MYO5B: variants seen among roughly 807,000 people sequenced by gnomAD.
The protein encoded by MYO5B is unconventional myosin-Vb.
A neutral mutation model predicts 229.3 loss-of-function variants in MYO5B; 143 were observed. The observed-to-expected ratio is 0.62, with a 90% CI of 0.54 to 0.72. MYO5B has a LOEUF of 0.72. Among genes scored for constraint, MYO5B ranks in the 30% least tolerant of loss-of-function variants. The pLI is 0.00. For missense variants in MYO5B, 2,321 were observed against 2,331.0 expected, an observed-to-expected ratio of 1.00 and a Z score of 0.09; for synonymous variants, 918 against 885.2, an observed-to-expected ratio of 1.04 and a Z score of -0.66.
intron 5 of MYO5B, among the ~76,000 whole-genome samples, chr18:49,996,433 C>T (rs1467749839): frequency 1.3e-5 from 2 of 152,046 alleles, no homozygotes. Context: ...GTAGGGAAAA[C>T]ATAAATAAAA....
At chr18:50,079,308 G>C (rs1390228472) in intron 1 of MYO5B, among the ~76,000 whole-genome samples, 1 of 152,188 alleles carries the variant, frequency 6.6e-6, no homozygotes, top group Non-Finnish European at 1.5e-5. Context: ...GTCTCCCCCA[G>C]AATCTTTCAT....
chr18:49,976,030 C>A (rs188083104), intron 9 of MYO5B, among the ~76,000 whole-genome samples: 24 of 152,198 alleles, frequency 1.6e-4, no homozygotes, highest in African/African-American at 5.8e-4. Context: ...ACCTGCTCAT[C>A]GTTGTTATTC....
rs753731801 is a variant in MYO5B at position 49,849,637 on chromosome 18, C to A, written c.4245G>T (p.Lys1415Asn). 2.7e-5 allele frequency: 43 copies of A among 1,613,796 alleles called. No homozygotes were observed. The highest frequency in any genetic ancestry group is 1.9e-5 in the Non-Finnish European group (23 of 1,179,886). ...ENLDLKELVEKLEKNERKLKK... is the reference protein window; with the variant it reads ...ENLDLKELVENLEKNERKLKK... ...TGAGCTTCCTCTCATTCTTTTCCAG[C>A]TTTTCTACCAGTTCTTTAAGGTCCT... The change falls in exon 32 of 40, where the codon AAG becomes AAT. Residue 1415 changes from lysine to asparagine, a missense_variant. Physicochemically the swap from Lys to Asn is moderately conservative, Grantham distance 94. Transcript: ENST00000285039.
intron 12 of MYO5B, among the ~76,000 whole-genome samples, chr18:49,955,760 C>T (rs2025485912): frequency 6.6e-6 from 1 of 152,190 alleles, no homozygotes; most frequent in African/African-American, 2.4e-5. Flanking sequence ...ATATTTAATT[C>T]AGCACTTTCC....
intron 17 of MYO5B, among the ~76,000 whole-genome samples, chr18:49,922,906 G>T (rs1008545351): frequency 2.6e-5 from 4 of 152,174 alleles, no homozygotes; most frequent in African/African-American, 9.7e-5. Context: ...TCTTGACTCT[G>T]CTGGCAGCTC....
Position 49,954,368 on chromosome 18 carries a change from A to G in MYO5B, c.1613T>C (p.Phe538Ser). Residue 538 changes from phenylalanine to serine, a missense_variant, in exon 13 of 40, where the codon TTC becomes TCC. Coordinates refer to ENST00000285039, the MANE Select transcript of MYO5B (RefSeq NM_001080467.3). ...CGTGTTGGACATGCGGGGCTTCTGG[A>G]AGTGCTGGCTGCTGGAGTGCCGGTC... ...LYDRHSSSQH[F>S]QKPRMSNTAF... 7 of 1,614,002 alleles carry G rather than the reference A, an allele frequency of 4.3e-6. No individual in the cohort carries two copies. Among genetic ancestry groups the G allele is most frequent in the Non-Finnish European group, 5.9e-6 (7 of 1,179,956 alleles).
intron 1 of MYO5B, among the ~76,000 whole-genome samples, chr18:50,104,442 AT>A (rs1479716283): frequency 1.3e-5 from 2 of 152,088 alleles, no homozygotes; most frequent in Admixed American, 6.6e-5. Context: ...TCATTAATTT[AT>A]TCAATGAGGA....
intron 1 of MYO5B, among the ~76,000 whole-genome samples, chr18:50,117,145 C>A (rs780995367): frequency 2.0e-5 from 3 of 152,036 alleles, no homozygotes; most frequent in Non-Finnish European, 4.4e-5. Flanking sequence ...CGATTATGTT[C>A]TTTGGTCCCA....
intron 9 of MYO5B, among the ~76,000 whole-genome samples, chr18:49,975,082 G>A (rs2025735578): frequency 1.3e-5 from 2 of 152,134 alleles, no homozygotes; most frequent in Non-Finnish European, 2.9e-5. Context: ...AATGCAGTTT[G>A]CATCTGCTGA....
intron 4 of MYO5B, among the ~76,000 whole-genome samples, chr18:50,027,163 A>G (rs112972818): frequency 4.6e-5 from 7 of 152,330 alleles, no homozygotes; most frequent in South Asian, 2.1e-4. Context: ...TAGGCTTCAC[A>G]TTCTATTAGC....
At chr18:50,135,012 T>C (rs890569138) in intron 1 of MYO5B, among the ~76,000 whole-genome samples, 5 of 152,220 alleles carry the variant, frequency 3.3e-5, no homozygotes, top group African/African-American at 4.8e-5. Flanking sequence ...CTCTGCCTGA[T>C]TGTAATAAGT....
intron 3 of MYO5B, among the ~76,000 whole-genome samples, chr18:50,039,783 T>C (rs4939615): frequency 0.98 from 148,899 of 152,262 alleles, 72,900 homozygotes; most frequent in East Asian, 1. Flanking sequence ...GCTTTTCAAG[T>C]AGAAAATAAA....
intron 8 of MYO5B, among the ~76,000 whole-genome samples, chr18:49,982,655 C>T (rs1037985807): frequency 1.3e-5 from 2 of 152,160 alleles, no homozygotes; most frequent in Non-Finnish European, 2.9e-5. Context: ...TAAGTTCTAT[C>T]GGAACACAGT....
chr18:49,846,249 T>G (rs902967085), intron 33 of MYO5B, among the ~76,000 whole-genome samples: 2 of 152,188 alleles, frequency 1.3e-5, no homozygotes, highest in Non-Finnish European at 2.9e-5. Flanking sequence ...TTAATGAGCC[T>G]GTGAATGTCA....
Position 49,826,513 on chromosome 18 carries a change from G to A in MYO5B, c.5505C>T (p.His1835=). Residue 1835 remains histidine (H), a synonymous_variant, in exon 40 of 40, where the codon CAC becomes CAT. Coordinates refer to ENST00000285039, the MANE Select transcript of MYO5B (RefSeq NM_001080467.3). ...ATTCCAGATTGAGACACGCTGGGAT[G>A]TGGATTGAGTCCATGGTTAGAGAAG... ...NPSSLTMDSI[H]IPACLNLEFL... is the part of the protein sequence containing the mutation. 11 of 1,614,080 alleles carry A rather than the reference G, an allele frequency of 6.8e-6. No individual in the cohort carries two copies. Among genetic ancestry groups the A allele is most frequent in the Non-Finnish European group, 8.5e-6 (10 of 1,179,948 alleles).
Position 49,885,615 on chromosome 18 carries a change from TC to T in MYO5B, c.3046-5161del, listed in dbSNP as rs777600569. ...GGTTACAATGCTTAAATGCCAACTT[TC>T]CTTCCTCTCCTGGCTGTAAATTAAG... On this transcript the variant is annotated intron_variant, in intron 22 of 39. Coordinates refer to ENST00000285039, the MANE Select transcript of MYO5B (RefSeq NM_001080467.3). Among the ~76,000 whole-genome samples, 28 of 152,302 alleles carry T rather than the reference TC, an allele frequency of 1.8e-4. No homozygotes were observed. The East Asian group carries it at 5.2e-3, about 28-fold the overall frequency.
intron 17 of MYO5B, among the ~76,000 whole-genome samples, chr18:49,920,681 G>A (rs1381460575): frequency 6.6e-6 from 1 of 152,154 alleles, no homozygotes; most frequent in Admixed American, 6.5e-5. Context: ...GTGACGAAGT[G>A]GCTTGTAGTT....
At chr18:50,007,549 T>C (rs2026115952) in intron 4 of MYO5B, among the ~76,000 whole-genome samples, 1 of 152,204 alleles carries the variant, frequency 6.6e-6, no homozygotes, top group Admixed American at 6.5e-5. Flanking sequence ...CACCCACATC[T>C]ACTGTGTTCA....
In MYO5B at chr18:50,036,020, C is replaced by T. The variant is rs8094551; in HGVS notation, c.455+830G>A. On this transcript the variant is annotated intron_variant, in intron 4 of 39. Transcript: ENST00000285039. ...GACCACCTAGAATGGGATTCTCCCC[C>T]TACAAAAATCACTAACTCCTTTTAC... 5.8e-3 allele frequency among the ~76,000 whole-genome samples: 883 copies of T among 152,220 alleles called. 7 individuals are homozygous for T. Among genetic ancestry groups the T allele is most frequent in the African/African-American group, 0.02 (825 of 41,548 alleles).
Sources: allele counts gnomAD v4.1 joint callset (sites outside exome capture counted in the v4.1 genomes callset), GRCh38; gene constraint gnomAD v4.1.1; transcripts MANE v1.5; gene names NCBI Gene and HGNC (gene_info 2026-07-23, HGNC 2026-07-21).